The following MAPKAP1 variants were observed in gnomAD, a reference collection of about 807,000 sequenced individuals.
MAPKAP1 encodes target of rapamycin complex 2 subunit MAPKAP1.
MAPKAP1 carries 20 observed loss-of-function variants against 65.7 expected under a neutral mutation model. The ratio of observed to expected loss-of-function variants is 0.30; its 90% CI spans 0.21 to 0.44. MAPKAP1 has a LOEUF of 0.44. Ranked by LOEUF, MAPKAP1 falls within the 20% of genes least tolerant of loss-of-function variation. The pLI is 1.00. For synonymous variants in MAPKAP1, 222 were observed against 244.3 expected (o/e 0.91, Z 0.85); for missense variants, 423 against 648.0 (o/e 0.65, Z 3.77).
At chr9:125,441,920 G>C (rs1852500015) in intron 11 of MAPKAP1, among the ~76,000 whole-genome samples, 1 of 152,064 alleles carries the variant, frequency 6.6e-6, no homozygotes, top group Non-Finnish European at 1.5e-5. Flanking sequence ...TTGAGGCCAG[G>C]AGTTCGAGAC....
chr9:125,519,396 G>A (rs895069244), intron 7 of MAPKAP1, among the ~76,000 whole-genome samples: 1 of 152,076 alleles, frequency 6.6e-6, no homozygotes, highest in African/African-American at 2.4e-5. Flanking sequence ...AGCACTTTGG[G>A]AGGTCAAGGT....
At chr9:125,621,288 C>A (rs1188754384) in intron 4 of MAPKAP1, among the ~76,000 whole-genome samples, 1 of 151,556 alleles carries the variant, frequency 6.6e-6, no homozygotes. Flanking sequence ...AAAACAAAAA[C>A]AAAAACAAAC....
intron 4 of MAPKAP1, chr9:125,652,255 A>G: frequency 7.9e-7 from 1 of 1,258,388 alleles, no homozygotes; most frequent in Non-Finnish European, 1.0e-6. Context: ...GACTGGAACA[A>G]TGCTGAAACA....
intron 4 of MAPKAP1, among the ~76,000 whole-genome samples, chr9:125,631,211 G>T (rs1833270275): frequency 6.6e-6 from 1 of 152,082 alleles, no homozygotes; most frequent in Non-Finnish European, 1.5e-5. Context: ...GCAGCCTGAG[G>T]CCCTCACCAG....
At chr9:125,513,203 T>A (rs1380293274) in intron 7 of MAPKAP1, 1 of 152,180 alleles carries the variant, frequency 6.6e-6, no homozygotes, top group Non-Finnish European at 1.5e-5. Flanking sequence ...ACCACTGCAC[T>A]CAGTGGTTTG....
chr9:125,522,068 A>G (rs1829634218), intron 7 of MAPKAP1, among the ~76,000 whole-genome samples: 1 of 152,226 alleles, frequency 6.6e-6, no homozygotes. Flanking sequence ...GTGAGGCACC[A>G]GGATTATTCT....
At chr9:125,510,511 T>C (rs948342890) in intron 7 of MAPKAP1, among the ~76,000 whole-genome samples, 4 of 152,174 alleles carry the variant, frequency 2.6e-5, no homozygotes, top group African/African-American at 9.7e-5. Flanking sequence ...TGTCTTTCTA[T>C]CCATCCAGGA....
intron 10 of MAPKAP1, among the ~76,000 whole-genome samples, chr9:125,461,273 T>C (rs1408098206): frequency 1.3e-5 from 2 of 152,122 alleles, no homozygotes; most frequent in Non-Finnish European, 2.9e-5. Flanking sequence ...CTTGGAAAAA[T>C]TGTGGTGGTC....
chr9:125,484,452 C>T lies in MAPKAP1; in HGVS notation c.1198G>A (p.Val400Ile), dbSNP rs754789924. 1.3e-5 allele frequency: 21 copies of T among 1,610,558 alleles called. No individual in the cohort carries two copies. The highest frequency in any genetic ancestry group is 4.5e-5 in the East Asian group (2 of 44,740). Residue 400 changes from valine (V) to isoleucine (I), a missense_variant, in exon 9 of 12, where the codon GTA becomes ATA. This residue lies in a region of MAPKAP1 where 185 missense variants were observed against 268.1 expected (regional missense o/e 0.69). Coordinates refer to ENST00000265960, the MANE Select transcript of MAPKAP1 (RefSeq NM_001006617.3). ...CTGCTCACACACTTACCTAGCTGTA[C>T]GTCGGTTGTGAATCGCAGTCTGTGG... is the stretch of plus-strand genomic sequence containing the variant. ...MIHRLRFTTDVQLGISGDKVE... is the reference protein window; with the variant it reads ...MIHRLRFTTDIQLGISGDKVE...
chr9:125,444,461 A>C (rs1852621702), intron 11 of MAPKAP1, 40 bp downstream of exon 11: 1 of 1,477,666 alleles, frequency 6.8e-7, no homozygotes, highest in Non-Finnish European at 9.4e-7. Context: ...GAGAAGCTGG[A>C]CCCACCTACC....
chr9:125,667,953 G>C (rs1208821043), intron 3 of MAPKAP1, among the ~76,000 whole-genome samples: 1 of 152,170 alleles, frequency 6.6e-6, no homozygotes, highest in Non-Finnish European at 1.5e-5. Context: ...ATCAACAGAA[G>C]GGGCTAGCCT....
chr9:125,527,092 T>C (rs1461421262), intron 7 of MAPKAP1, among the ~76,000 whole-genome samples: 3 of 151,738 alleles, frequency 2.0e-5, no homozygotes, highest in African/African-American at 7.3e-5. Flanking sequence ...GGGGATGTAG[T>C]CTCACTCTGT....
chr9:125,617,172 G>T (rs1341528855), intron 4 of MAPKAP1, among the ~76,000 whole-genome samples: 3 of 152,190 alleles, frequency 2.0e-5, no homozygotes, highest in African/African-American at 4.8e-5. Flanking sequence ...TGGCCAAAAT[G>T]TTTGTAGATC....
At chr9:125,511,175 AT>A (rs879685362) in intron 7 of MAPKAP1, among the ~76,000 whole-genome samples, 2,203 of 148,270 alleles carry the variant, frequency 0.015, 18 homozygotes, top group South Asian at 0.041. Flanking sequence ...CATCATCATC[AT>A]CATCATCATC....
intron 8 of MAPKAP1, among the ~76,000 whole-genome samples, chr9:125,487,677 C>A (rs2133044392): frequency 6.7e-6 from 1 of 149,348 alleles, no homozygotes; most frequent in African/African-American, 2.5e-5. Flanking sequence ...GGATTAAAAC[C>A]AATTTAAAAA....
chr9:125,629,319 A>G (rs1833206025), intron 4 of MAPKAP1, among the ~76,000 whole-genome samples: 1 of 152,236 alleles, frequency 6.6e-6, no homozygotes, highest in African/African-American at 2.4e-5. Flanking sequence ...TCAGCACACC[A>G]TTATTCACAA....
At chr9:125,444,655 C>A in intron 10 of MAPKAP1, 57 bp from the exon 11 acceptor site, 1 of 1,203,036 alleles carries the variant, frequency 8.3e-7, no homozygotes, top group East Asian at 2.4e-5. Flanking sequence ...TGGCGGGGGC[C>A]TCCATATGTT....
At chr9:125,542,976 G>T in intron 7 of MAPKAP1, 83 bp downstream of exon 7, 1 of 918,810 alleles carries the variant, frequency 1.1e-6, no homozygotes, top group Non-Finnish European at 1.8e-6. Context: ...AATCTAGCCA[G>T]CCATCACACA....
chr9:125,511,204 C>CATT (rs2133094598), intron 7 of MAPKAP1, among the ~76,000 whole-genome samples: 2 of 145,982 alleles, frequency 1.4e-5, no homozygotes, highest in South Asian at 4.4e-4. Flanking sequence ...TCATCATCAT[C>CATT]AGACTGTAAT....
Sources: allele counts gnomAD v4.1 joint callset (sites outside exome capture counted in the v4.1 genomes callset), GRCh38; gene constraint gnomAD v4.1.1; regional missense constraint gnomAD v4.1.1; transcripts MANE v1.5; gene names NCBI Gene and HGNC (gene_info 2026-07-23, HGNC 2026-07-21).